Variants in ABCC5 observed in about 807,000 individuals in gnomAD.
The protein encoded by ABCC5 is ATP-binding cassette sub-family C member 5.
Under a neutral mutation model 160.9 loss-of-function variants are expected in ABCC5, and 61 were observed. The ratio of observed to expected loss-of-function variants is 0.38; its 90% CI spans 0.31 to 0.47. ABCC5 has a LOEUF of 0.47. ABCC5 is among the 20% of genes least tolerant of loss of function. The pLI is 0.99. For missense variants in ABCC5, 1,308 were observed against 1,813.3 expected (o/e 0.72, Z 5.06); for synonymous variants, 666 against 700.6 (o/e 0.95, Z 0.78).
chr3:183,950,692 CGT>C (rs1425489063), intron 20 of ABCC5, among the ~76,000 whole-genome samples: 25 of 152,122 alleles, frequency 1.6e-4, no homozygotes, highest in African/African-American at 5.6e-4. Context: ...TGAGCACATG[CGT>C]GTGTGTTTAG....
chr3:183,965,312 C>T (rs928189579), intron 13 of ABCC5, 55 bp from the exon 14 acceptor site: 8 of 1,613,912 alleles, frequency 5.0e-6, no homozygotes, highest in African/African-American at 1.3e-5. Context: ...AGCCTGCTGA[C>T]TAGGGCTGCC....
intron 17 of ABCC5, among the ~76,000 whole-genome samples, chr3:183,955,386 G>C (rs1715779015): frequency 6.6e-6 from 1 of 152,202 alleles, no homozygotes; most frequent in South Asian, 2.1e-4. Flanking sequence ...TCAGTTGTGT[G>C]CCTGAACTCT....
intron 2 of ABCC5, among the ~76,000 whole-genome samples, chr3:184,005,450 A>T (rs1309980162): frequency 2.0e-5 from 3 of 152,194 alleles, no homozygotes; most frequent in Non-Finnish European, 4.4e-5. Context: ...AGGGAGGAAA[A>T]GGATAAATTT....
chr3:183,996,388 A>G (rs1720287669), intron 2 of ABCC5, among the ~76,000 whole-genome samples: 1 of 152,224 alleles, frequency 6.6e-6, no homozygotes. Flanking sequence ...AGTTTTCACT[A>G]AAACCTATTC....
chr3:183,937,921 C>T lies in ABCC5; in HGVS notation c.3834G>A (p.Val1278=), dbSNP rs768862436. Residue 1278 remains valine (V), a synonymous_variant, in exon 26 of 30, where the codon GTG becomes GTA. Transcript: ENST00000334444. ...CTCACCTGACAGTGCCACTGAACAGCACCGGCTCTTGAGGAATGATAGAGA... is the reference window on the plus strand; with the variant it reads ...CTCACCTGACAGTGCCACTGAACAGTACCGGCTCTTGAGGAATGATAGAGA... ...SKLSIIPQEP[V]LFSGTVRSNL... 9 of 1,614,072 alleles carry T rather than the reference C, an allele frequency of 5.6e-6. No individual in the cohort carries two copies. The highest frequency in any genetic ancestry group is 7.6e-6 in the Non-Finnish European group (9 of 1,180,038).
At position 183,959,832 on chromosome 3, in the gene ABCC5, T is replaced by C. The variant is rs370164145; in HGVS notation, c.2383A>G (p.Asn795Asp). The change falls in exon 17 of 30, where the codon AAT (asparagine) becomes GAT (aspartate). Residue 795 changes from asparagine to aspartate, a missense_variant. This residue lies in a region of ABCC5 where 1,142 missense variants were observed against 1,527.1 expected (regional missense o/e 0.75). Transcript: ENST00000334444. ...LLGETPPVEINSKKETSGSQK... is the reference protein window; with the variant it reads ...LLGETPPVEIDSKKETSGSQK... Reference sequence around the variant, plus strand: ...GAACCACTGGTTTCCTTTTTTGAATTGATCTAATAATATTTAAAAAAAAAA... The same window carrying C: ...GAACCACTGGTTTCCTTTTTTGAATCGATCTAATAATATTTAAAAAAAAAA... 177 of 1,603,720 alleles carry C rather than the reference T, an allele frequency of 1.1e-4. No individual in the cohort carries two copies. The highest frequency in any genetic ancestry group is 1.4e-4 in the Non-Finnish European group (168 of 1,174,156).
At chr3:183,942,480 G>C (rs2108782661) in intron 25 of ABCC5, 1 of 646,914 alleles carries the variant, frequency 1.5e-6, no homozygotes, top group Non-Finnish European at 2.9e-6. Flanking sequence ...TGTGGGTGCT[G>C]CTCCTCTTTC....
Position 183,988,433 on chromosome 3 carries a change from G to T in ABCC5, c.443+139C>A. On this transcript the variant is annotated intron_variant, in intron 4 of 29. Coordinates refer to ENST00000334444, the MANE Select transcript of ABCC5 (RefSeq NM_005688.4). This position sits in a 1 kb window ranked among gnomAD's most constrained non-coding sequence, Gnocchi z 4.4. Reference sequence around the variant, plus strand: ...ATAGGAGATAAAGCAAAAGAGCAAAGAGAAAGTCATCCCCAGGCCGCCCGC... The same window carrying T: ...ATAGGAGATAAAGCAAAAGAGCAAATAGAAAGTCATCCCCAGGCCGCCCGC... The T allele has an allele frequency of 1.0e-6, 1 of 1,001,632 alleles. No individual in the cohort carries two copies. The highest frequency in any genetic ancestry group is 1.4e-6 in the Non-Finnish European group (1 of 694,638). The allele number at this position is 1,001,632 out of a possible 1,614,324, so 62.0% of individuals were successfully genotyped here. A position where few individuals can be genotyped will look rare whatever the true frequency, so the allele number is the denominator to read the frequency against.
At chr3:183,995,900 C>T (rs546912165) in intron 2 of ABCC5, among the ~76,000 whole-genome samples, 34 of 152,008 alleles carry the variant, frequency 2.2e-4, no homozygotes, top group African/African-American at 3.1e-4. Flanking sequence ...CTCCGCCTCC[C>T]GGGTTCACTC....
intron 8 of ABCC5, among the ~76,000 whole-genome samples, chr3:183,980,629 T>C (rs1403181675): frequency 6.6e-6 from 1 of 152,054 alleles, no homozygotes; most frequent in Non-Finnish European, 1.5e-5. Context: ...ATAAATCAAA[T>C]GTAGATTCCA....
chr3:183,922,022 C>G (rs916952803), intron 29 of ABCC5, among the ~76,000 whole-genome samples: 2 of 150,544 alleles, frequency 1.3e-5, no homozygotes, highest in African/African-American at 2.5e-5. Flanking sequence ...CACAACGAGA[C>G]TCTGCCTCAA....
rs965733395 is a variant in ABCC5 at position 183,921,512 on chromosome 3, A to C, written c.4213-111T>G. On this transcript the variant is annotated intron_variant, in intron 29 of 29. Coordinates refer to ENST00000334444, the MANE Select transcript of ABCC5 (RefSeq NM_005688.4). This position sits in a 1 kb window ranked among gnomAD's most constrained non-coding sequence, Gnocchi z 4.1. ...CCCTCTGAGGGTAGAATCTGGGGAC[A>C]ATTCAACTAGCCCTGCGTGCACCTC... is the stretch of plus-strand genomic sequence containing the variant. 35 of 892,526 alleles carry C rather than the reference A, an allele frequency of 3.9e-5. No homozygotes were observed. Among genetic ancestry groups the C allele is most frequent in the Non-Finnish European group, 5.2e-5 (32 of 617,030 alleles). 55.3% of individuals were successfully genotyped at this position (892,526 alleles called of 1,614,324 possible). A position where few individuals can be genotyped will look rare whatever the true frequency, so the allele number is the denominator to read the frequency against.
intron 17 of ABCC5, 85 bp downstream of exon 17, chr3:183,959,648 A>G (rs903117486): frequency 1.9e-6 from 2 of 1,038,918 alleles, no homozygotes; most frequent in African/African-American, 1.6e-5. Context: ...ACACACTGCT[A>G]TCAAACATCA....
chr3:183,928,415 T>A (rs1195782035), intron 27 of ABCC5, among the ~76,000 whole-genome samples: 1 of 152,080 alleles, frequency 6.6e-6, no homozygotes, highest in Non-Finnish European at 1.5e-5. Flanking sequence ...CCCGGCCACG[T>A]TATATATCTT....
At position 183,987,871 on chromosome 3, in the gene ABCC5, C is replaced by T; in HGVS notation, c.490G>A (p.Ala164Thr). ...CACACAACCCTTCGCAGGGAAGCAG[C>T]GTCTGGCCCAACTTCATTCAGCTCT... ...QEELNEVGPDAASLRRVVWIF... is the reference protein window; with the variant it reads ...QEELNEVGPDTASLRRVVWIF... The change falls in exon 5 of 30, where the codon GCT becomes ACT. Residue 164 changes from alanine to threonine, a missense_variant. Around this residue, in one of 3 missense-constraint regions of ABCC5, gnomAD observed 1,142 missense variants for 1,527.1 expected, o/e 0.75. Transcript: ENST00000334444. The surrounding 1 kb of genome is among the most constrained non-coding windows in gnomAD (Gnocchi z 4.2). 6 of 1,614,154 alleles carry T rather than the reference C, an allele frequency of 3.7e-6. No homozygotes were observed. The highest frequency in any genetic ancestry group is 4.2e-6 in the Non-Finnish European group (5 of 1,180,032).
chr3:184,011,140 C>A (rs1721705956), intron 2 of ABCC5: 1 of 152,274 alleles, frequency 6.6e-6, no homozygotes, highest in Admixed American at 6.5e-5. Context: ...GCCTCCCTAT[C>A]TTCTAGAAAC....
chr3:183,937,751 G>A (rs1311864134), intron 26 of ABCC5, 150 bp downstream of exon 26: 7 of 857,222 alleles, frequency 8.2e-6, no homozygotes, highest in Non-Finnish European at 1.3e-5. Flanking sequence ...TCTCCCTTCT[G>A]CACCAGCAAG....
chr3:184,015,719 G>A (rs943765228), intron 1 of ABCC5, among the ~76,000 whole-genome samples: 1 of 150,322 alleles, frequency 6.7e-6, no homozygotes, highest in African/African-American at 2.4e-5. Context: ...CTTGTCCAAT[G>A]ACAAACTACA....
At chr3:183,942,692 C>T (rs1560480113) in intron 25 of ABCC5, 35 bp downstream of exon 25, 1 of 1,599,414 alleles carries the variant, frequency 6.3e-7, no homozygotes, top group Non-Finnish European at 8.6e-7. Context: ...CTGCTACGTT[C>T]CAATGGATTC....
Sources: allele counts gnomAD v4.1 joint callset (sites outside exome capture counted in the v4.1 genomes callset), GRCh38; gene constraint gnomAD v4.1.1; regional missense constraint gnomAD v4.1.1; non-coding constraint Gnocchi (gnomAD v3.1); transcripts MANE v1.5; gene names NCBI Gene and HGNC (gene_info 2026-07-23, HGNC 2026-07-21).